Variants in TBC1D5 observed in about 807,000 individuals in gnomAD.
The protein encoded by TBC1D5 is TBC1 domain family member 5.
Under a neutral mutation model 100.3 loss-of-function variants are expected in TBC1D5, and 75 were observed. The ratio of observed to expected loss-of-function variants is 0.75; its 90% CI spans 0.62 to 0.91. TBC1D5 has a LOEUF of 0.91. TBC1D5 is among the 40% of genes least tolerant of loss of function. The pLI is 0.00. For missense variants in TBC1D5, 910 were observed against 942.4 expected (o/e 0.97, Z 0.45); for synonymous variants, 323 against 325.6 (o/e 0.99, Z 0.09).
chr3:17,369,016 A>G (rs184074091), intron 13 of TBC1D5, among the ~76,000 whole-genome samples: 2 of 152,328 alleles, frequency 1.3e-5, no homozygotes, highest in African/African-American at 4.8e-5. Context: ...AGATTAAGAT[A>G]TTTGTGTGAT....
chr3:17,490,232 T>C (rs192291494), intron 3 of TBC1D5, among the ~76,000 whole-genome samples: 33 of 152,292 alleles, frequency 2.2e-4, no homozygotes, highest in Admixed American at 9.8e-4. Context: ...CCTTATAGAC[T>C]CTAGATTTTA....
chr3:17,361,640 C>T (rs2091721931), intron 13 of TBC1D5, among the ~76,000 whole-genome samples: 3 of 151,794 alleles, frequency 2.0e-5, no homozygotes, highest in Admixed American at 6.6e-5. Context: ...ATACAAATAA[C>T]CCATGGTACA....
chr3:17,170,765 C>G (rs941669899), intron 19 of TBC1D5, among the ~76,000 whole-genome samples: 1 of 152,158 alleles, frequency 6.6e-6, no homozygotes, highest in African/African-American at 2.4e-5. Flanking sequence ...AACTCTTCCT[C>G]AAACACCAAA....
intron 1 of TBC1D5, chr3:17,702,307 C>T (rs13061771): frequency 0.57 from 86,960 of 151,916 alleles, 25,750 homozygotes; most frequent in East Asian, 0.99. Context: ...CTTAGTAAAA[C>T]TATGAAATTA....
chr3:17,586,368 T>C (rs965726907), intron 2 of TBC1D5: 3 of 152,174 alleles, frequency 2.0e-5, no homozygotes, highest in Non-Finnish European at 2.9e-5. Flanking sequence ...GGGAGAACTT[T>C]ACTGGTCCAC....
intron 3 of TBC1D5, among the ~76,000 whole-genome samples, chr3:17,463,977 G>A (rs1409782073): frequency 1.1e-5 from 1 of 93,668 alleles, no homozygotes; most frequent in Non-Finnish European, 2.0e-5. Flanking sequence ...TTGAGACGGT[G>A]TTTTGCTCTT....
At chr3:17,157,468 AG>A (rs2065683060) in exon 22 of TBC1D5, 1 of 152,270 alleles carries the variant, frequency 6.6e-6, no homozygotes, top group Non-Finnish European at 1.5e-5. Context: ...CTGGCCTTTG[AG>A]AAGGAAGCCT....
chr3:17,591,619 C>T (rs576687976), intron 2 of TBC1D5, among the ~76,000 whole-genome samples: 9 of 152,086 alleles, frequency 5.9e-5, no homozygotes, highest in Admixed American at 1.3e-4. Flanking sequence ...AGCTCAAGTC[C>T]GACCTACAGT....
At chr3:17,309,377 CAATT>C (rs1344087475) in intron 13 of TBC1D5, among the ~76,000 whole-genome samples, 3 of 152,034 alleles carry the variant, frequency 2.0e-5, no homozygotes, top group South Asian at 4.2e-4. Context: ...TCAACTACAT[CAATT>C]ACTCAATTTT....
intron 2 of TBC1D5, chr3:17,576,540 T>C (rs190883099): frequency 2.6e-5 from 4 of 152,172 alleles, no homozygotes; most frequent in Non-Finnish European, 2.9e-5. Context: ...GACAATATCA[T>C]AGAAGATTTC....
intron 1 of TBC1D5, among the ~76,000 whole-genome samples, chr3:17,718,394 G>A (rs994339622): frequency 4.6e-5 from 7 of 152,128 alleles, no homozygotes; most frequent in Non-Finnish European, 8.8e-5. Flanking sequence ...TCAGGAGATC[G>A]AGACCATCCT....
intron 3 of TBC1D5, among the ~76,000 whole-genome samples, chr3:17,445,949 G>C (rs757919343): frequency 4.6e-5 from 7 of 152,290 alleles, no homozygotes; most frequent in African/African-American, 1.7e-4. Flanking sequence ...AATGGAAGAA[G>C]AACAACAGGG....
intron 1 of TBC1D5, among the ~76,000 whole-genome samples, chr3:17,691,986 A>C (rs2071245273): frequency 6.6e-6 from 1 of 152,256 alleles, no homozygotes; most frequent in Non-Finnish European, 1.5e-5. Flanking sequence ...GACATGGCAA[A>C]ATTAACATAC....
At chr3:17,597,238 T>G (rs1457090208) in intron 2 of TBC1D5, among the ~76,000 whole-genome samples, 1 of 152,212 alleles carries the variant, frequency 6.6e-6, no homozygotes, top group Non-Finnish European at 1.5e-5. Context: ...AGGCCAAAGA[T>G]AGTAAAAGTT....
chr3:17,245,376 A>T (rs888434823), intron 16 of TBC1D5, among the ~76,000 whole-genome samples: 1 of 152,232 alleles, frequency 6.6e-6, no homozygotes, highest in Non-Finnish European at 1.5e-5. Flanking sequence ...TGCTCATCTC[A>T]AGGAACTCTA....
rs936231890 is a variant in TBC1D5 at position 17,236,489 on chromosome 3, A to T, written c.1588+1674T>A. Among the ~76,000 whole-genome samples the T allele has an allele frequency of 2.8e-5, 4 of 144,500 alleles. No individual in the cohort carries two copies. In the South Asian group the frequency reaches 8.8e-4, roughly 32 times the overall value. The allele number at this position is 144,500 out of a possible 152,430, so 94.8% of individuals were successfully genotyped here. A position where few individuals can be genotyped will look rare whatever the true frequency, so the allele number is the denominator to read the frequency against. On this transcript the variant is annotated intron_variant, in intron 17 of 21. Coordinates refer to ENST00000253692, the Ensembl canonical transcript of TBC1D5. ...AGAAAATAATGTAATTTTCAACGAG[A>T]TTTTTTTTTTTTTTTGAGATGGAGT...
At chr3:17,437,336 A>AT (rs774119067) in intron 3 of TBC1D5, among the ~76,000 whole-genome samples, 1 of 152,252 alleles carries the variant, frequency 6.6e-6, no homozygotes, top group South Asian at 2.1e-4. Context: ...AAATCCAAGT[A>AT]TTTCTATTTA....
intron 13 of TBC1D5, among the ~76,000 whole-genome samples, chr3:17,365,386 G>C (rs1303358463): frequency 6.6e-6 from 1 of 152,062 alleles, no homozygotes; most frequent in Non-Finnish European, 1.5e-5. Context: ...GTCAGTAAAG[G>C]TTGTTTCTCC....
intron 3 of TBC1D5, among the ~76,000 whole-genome samples, chr3:17,453,776 C>T (rs931913368): frequency 1.3e-5 from 2 of 152,128 alleles, no homozygotes; most frequent in African/African-American, 2.4e-5. Flanking sequence ...TTCTACAATG[C>T]CAATATACCA....
Sources: allele counts gnomAD v4.1 joint callset (sites outside exome capture counted in the v4.1 genomes callset), GRCh38; gene constraint gnomAD v4.1.1; transcripts MANE v1.5; gene names NCBI Gene and HGNC (gene_info 2026-07-23, HGNC 2026-07-21).